Variants in EFCAB13 observed in about 807,000 individuals in gnomAD.
EFCAB13 encodes the protein EF-hand calcium-binding domain-containing protein 13.
Under a neutral mutation model 110.2 loss-of-function variants are expected in EFCAB13, and 91 were observed. The observed-to-expected ratio is 0.83, with a 90% CI of 0.70 to 0.98. EFCAB13 has a LOEUF of 0.98. Ranked by LOEUF, EFCAB13 falls within the 50% of genes least tolerant of loss-of-function variation. The pLI, the probability that EFCAB13 is intolerant of heterozygous loss-of-function variation, is 0.00. For missense variants in EFCAB13, 968 were observed against 1,119.4 expected, an observed-to-expected ratio of 0.86 and a Z score of 1.93; for synonymous variants, 323 against 369.9, an observed-to-expected ratio of 0.87 and a Z score of 1.45.
chr17:47,412,813 T>C lies in EFCAB13; in HGVS notation c.2319T>C (p.Asn773=), dbSNP rs760697246. 6 of 1,613,692 alleles carry C rather than the reference T, an allele frequency of 3.7e-6. No individual in the cohort carries two copies. In the African/African-American group the frequency reaches 8.0e-5, roughly 22 times the overall value. The change falls in exon 22 of 25, where the codon AAT becomes AAC. Residue 773 remains asparagine (N), a synonymous_variant. Transcript: ENST00000331493. ...CTAACATCTTGTCACATGTCGATAATGGCAAGATTGGTATACCTGATTTGG... is the reference window on the plus strand; with the variant it reads ...CTAACATCTTGTCACATGTCGATAACGGCAAGATTGGTATACCTGATTTGG... ...EAANILSHVD[N]GKIGIPDLEH...
intron 14 of EFCAB13, among the ~76,000 whole-genome samples, chr17:47,380,884 T>C (rs2065643826): frequency 6.7e-6 from 1 of 148,988 alleles, no homozygotes; most frequent in African/African-American, 2.5e-5. Context: ...CTTCTTCTTT[T>C]TTTTTTTTTT....
At chr17:47,417,205 A>G (rs957818298) in intron 23 of EFCAB13, among the ~76,000 whole-genome samples, 1 of 152,216 alleles carries the variant, frequency 6.6e-6, no homozygotes, top group Non-Finnish European at 1.5e-5. Flanking sequence ...CCTCATCCTC[A>G]CCATCTTCAA....
chr17:47,401,808 C>T (rs1317871169), intron 17 of EFCAB13, among the ~76,000 whole-genome samples: 1 of 151,968 alleles, frequency 6.6e-6, no homozygotes, highest in African/African-American at 2.4e-5. Context: ...CCACACCCGG[C>T]TAATTTTTGT....
At chr17:47,378,635 T>C (rs1004623852) in intron 13 of EFCAB13, among the ~76,000 whole-genome samples, 1 of 152,136 alleles carries the variant, frequency 6.6e-6, no homozygotes, top group Non-Finnish European at 1.5e-5. Flanking sequence ...ATTGAGCCCT[T>C]TTTGCTGCTT....
intron 5 of EFCAB13, among the ~76,000 whole-genome samples, chr17:47,336,853 T>G (rs2065354242): frequency 1.3e-5 from 2 of 152,090 alleles, no homozygotes; most frequent in South Asian, 4.1e-4. Flanking sequence ...ACTCAATCTG[T>G]ATTTATTATT....
At chr17:47,377,681 C>G in intron 12 of EFCAB13, 85 bp from the exon 13 acceptor site, 1 of 1,206,874 alleles carries the variant, frequency 8.3e-7, no homozygotes, top group Non-Finnish European at 1.1e-6. Flanking sequence ...AAAACTTGTT[C>G]TCTAATTTCT....
At chr17:47,351,304 TGCGCGCGCGCGCGC>T (rs71141904) in intron 9 of EFCAB13, among the ~76,000 whole-genome samples, 10 of 123,102 alleles carry the variant, frequency 8.1e-5, no homozygotes, top group South Asian at 2.9e-4. Flanking sequence ...TGTGTGTGTG[TGCGCGCGCGCGCGC>T]GCGCGCGCGC....
At position 47,424,874 on chromosome 17, in the gene EFCAB13, C is replaced by CTTTTTTTTTT. The variant is rs548271723; in HGVS notation, c.2495-4927_2495-4918dup. 2.2e-3 allele frequency among the ~76,000 whole-genome samples: 83 copies of CTTTTTTTTTT among 36,896 alleles called. 20 individuals are homozygous for CTTTTTTTTTT. Among genetic ancestry groups the CTTTTTTTTTT allele is most frequent in the African/African-American group, 5.5e-3 (45 of 8,112 alleles). The allele number at this position is 36,896 out of a possible 152,430, so 24.2% of individuals were successfully genotyped here. A position where few individuals can be genotyped will look rare whatever the true frequency, so the allele number is the denominator to read the frequency against. On this transcript the variant is annotated intron_variant, in intron 23 of 24. Coordinates refer to ENST00000331493, the MANE Select transcript of EFCAB13 (RefSeq NM_152347.5). ...AGGATTTCTTTCTCCGGTTGACAAT[C>CTTTTTTTTTT]TTTTTTTTTTTTTTTTTTTTTTTTT...
chr17:47,328,343 T>C lies in EFCAB13; in HGVS notation c.-11T>C, dbSNP rs370949629. On this transcript the variant is annotated 5_prime_UTR_variant, in exon 4 of 25. Coordinates refer to ENST00000331493, the MANE Select transcript of EFCAB13 (RefSeq NM_152347.5). Reference sequence around the variant, plus strand: ...AGTCCTTAAGGACAGAATTTACCTCTAAACAGAAAGATGGAAACTAAAGTA... The same window carrying C: ...AGTCCTTAAGGACAGAATTTACCTCCAAACAGAAAGATGGAAACTAAAGTA... 2.1e-5 allele frequency: 34 copies of C among 1,605,608 alleles called. No individual in the cohort carries two copies. Among genetic ancestry groups the C allele is most frequent in the African/African-American group, 1.7e-4 (13 of 74,824 alleles).
Position 47,433,244 on chromosome 17 carries a change from C to T in EFCAB13, c.2638+3283C>T, listed in dbSNP as rs549614214. On this transcript the variant is annotated intron_variant, in intron 24 of 24. Coordinates refer to ENST00000331493, the MANE Select transcript of EFCAB13 (RefSeq NM_152347.5). ...TTATGCGCTTTTGGGATGAATACCC[C>T]GAAGGTAAAGTGCCCTTTTTATTGC... is the stretch of plus-strand genomic sequence containing the variant. Among the ~76,000 whole-genome samples the T allele has an allele frequency of 5.3e-5, 8 of 152,116 alleles. No individual in the cohort carries two copies. In the South Asian group the frequency reaches 1.0e-3, roughly 20 times the overall value.
chr17:47,439,171 G>GTTTTTTTTTTTTTTTTT (rs71141908), intron 24 of EFCAB13, among the ~76,000 whole-genome samples: 2 of 73,868 alleles, frequency 2.7e-5, no homozygotes, highest in Non-Finnish European at 2.5e-5. Flanking sequence ...TCTTTGTTTT[G>GTTTTTTTTTTTTTTTTT]TTTTTTTTTT....
chr17:47,337,570 G>A (rs1444425685), intron 5 of EFCAB13, among the ~76,000 whole-genome samples: 1 of 152,140 alleles, frequency 6.6e-6, no homozygotes, highest in East Asian at 1.9e-4. Flanking sequence ...TGAAATGTGT[G>A]AAGTAGCTCA....
In EFCAB13 at chr17:47,414,902, A is replaced by G. The variant is rs1303696138; in HGVS notation, c.2477A>G (p.His826Arg). 3.1e-6 allele frequency: 5 copies of G among 1,605,058 alleles called. No homozygotes were observed. The highest frequency in any genetic ancestry group is 2.2e-5 in the South Asian group (2 of 90,262). The change falls in exon 23 of 25, where the codon CAT (histidine) becomes CGT (arginine). Residue 826 changes from histidine to arginine, a missense_variant. By Grantham distance (29) the His-to-Arg change is conservative. Coordinates refer to ENST00000331493, the MANE Select transcript of EFCAB13 (RefSeq NM_152347.5). ...DFLMKMKESPHFQKSKATQIL... is the reference protein window; with the variant it reads ...DFLMKMKESPRFQKSKATQIL... ...TTAATGAAAATGAAAGAAAGTCCAC[A>G]TTTCCAAAAGTCCAAGGGTAAGTGA...
chr17:47,335,526 T>TA (rs932790021), intron 5 of EFCAB13, among the ~76,000 whole-genome samples, 170 bp downstream of exon 5: 5 of 152,208 alleles, frequency 3.3e-5, no homozygotes, highest in African/African-American at 7.2e-5. Flanking sequence ...TAGCTGTTCT[T>TA]ACATTTTTTC....
chr17:47,360,449 C>T (rs1186933463), intron 9 of EFCAB13, among the ~76,000 whole-genome samples: 2 of 152,166 alleles, frequency 1.3e-5, no homozygotes, highest in East Asian at 3.8e-4. Flanking sequence ...TGTTCATATC[C>T]TTTGCCCACT....
intron 23 of EFCAB13, among the ~76,000 whole-genome samples, chr17:47,416,070 ATC>A (rs1904432694): frequency 6.6e-6 from 1 of 152,166 alleles, no homozygotes; most frequent in African/African-American, 2.4e-5. Context: ...ACATTTTAAT[ATC>A]TCTAAAATTG....
intron 12 of EFCAB13, 29 bp downstream of exon 12, chr17:47,374,995 TTCAG>T: frequency 6.6e-7 from 1 of 1,524,656 alleles, no homozygotes; most frequent in Non-Finnish European, 8.7e-7. Context: ...TCTTGAGTTC[TTCAG>T]TCATCACAGA....
intron 24 of EFCAB13, among the ~76,000 whole-genome samples, chr17:47,439,388 G>T (rs1222600129): frequency 2.0e-5 from 3 of 151,914 alleles, no homozygotes; most frequent in South Asian, 4.2e-4. Context: ...TGTTGGCCTG[G>T]CTGGTTTGGA....
At chr17:47,426,289 G>C (rs556604105) in intron 23 of EFCAB13, among the ~76,000 whole-genome samples, 1 of 152,292 alleles carries the variant, frequency 6.6e-6, no homozygotes, top group South Asian at 2.1e-4. Flanking sequence ...CTCAGTTAAG[G>C]CTCTGTTTTG....
Sources: allele counts gnomAD v4.1 joint callset (sites outside exome capture counted in the v4.1 genomes callset), GRCh38; gene constraint gnomAD v4.1.1; transcripts MANE v1.5; gene names NCBI Gene and HGNC (gene_info 2026-07-23, HGNC 2026-07-21).